The following TONSL variants were observed in gnomAD, a reference collection of about 807,000 sequenced individuals.
The protein encoded by TONSL is tonsoku-like protein.
TONSL carries 112 observed loss-of-function variants against 147.1 expected under a neutral mutation model. That is an observed-to-expected ratio of 0.76 (90% CI 0.65 to 0.89). TONSL has a LOEUF of 0.89. Among genes scored for constraint, TONSL ranks in the 40% least tolerant of loss-of-function variants. The probability of loss-of-function intolerance (pLI) is 0.00; values close to 1 mark genes in which losing one functional copy is unlikely to be tolerated. For missense variants in TONSL, 1,883 were observed against 1,864.6 expected, an observed-to-expected ratio of 1.01 and a Z score of -0.18; for synonymous variants, 868 against 801.5, an observed-to-expected ratio of 1.08 and a Z score of -1.40.
chr8:144,443,819 C>A (rs1407231515), intron 3 of TONSL, 63 bp downstream of exon 3: 5 of 1,531,474 alleles, frequency 3.3e-6, no homozygotes, highest in Non-Finnish European at 3.5e-6. Context: ...ACCAGGCCTC[C>A]CTCCTCAGAA....
At position 144,430,436 on chromosome 8, in the gene TONSL, C is replaced by T. The variant is rs374503291; in HGVS notation, c.3911G>A (p.Arg1304Gln). ...GCCAAGGAAGCTAAGGCCTTGGGGCCGCTTTTGGAGGGTGGACAGGAGCTC... is the reference window on the plus strand; with the variant it reads ...GCCAAGGAAGCTAAGGCCTTGGGGCTGCTTTTGGAGGGTGGACAGGAGCTC... ...LEELLSTLQKRPQGLSFLGLS... is the reference protein window; with the variant it reads ...LEELLSTLQKQPQGLSFLGLS... The change falls in exon 25 of 26, where the codon CGG becomes CAG. Residue 1304 changes from arginine to glutamine, a missense_variant. Transcript: ENST00000409379. The T allele has an allele frequency of 3.5e-5, 57 of 1,611,816 alleles. No individual in the cohort carries two copies. The Middle Eastern group carries it at 4.9e-4, about 14-fold the overall frequency.
rs527487564 is a variant in TONSL, at chr8:144,441,203, C to T, written c.866-92G>A. The T allele has an allele frequency of 2.3e-5, 35 of 1,506,812 alleles. No homozygotes were observed. The East Asian group carries it at 7.2e-4, about 31-fold the overall frequency. 93.3% of individuals were successfully genotyped at this position (1,506,812 alleles called of 1,614,324 possible). A position where few individuals can be genotyped will look rare whatever the true frequency, so the allele number is the denominator to read the frequency against. On this transcript the variant is annotated intron_variant, in intron 7 of 25. Transcript: ENST00000409379. ...AGCTGTGAGCCCTGTGGTGGCCCCC[C>T]CACTCTCTCCACACCTCTGCCTGCC...
At position 144,444,239 on chromosome 8, in the gene TONSL, C is replaced by T; in HGVS notation, c.62G>A (p.Gly21Glu). The change falls in exon 2 of 26, where the codon GGG becomes GAG. Residue 21 changes from glycine (G) to glutamate (E), a missense_variant. Coordinates refer to ENST00000409379, the MANE Select transcript of TONSL (RefSeq NM_013432.5). ...SKAKAKAQRAGQRREEAALCH... is the reference protein window; with the variant it reads ...SKAKAKAQRAEQRREEAALCH... ...CAGCGCGGCCTCTTCGCGCCGCTGC[C>T]CGGCCCTCTGCGCCTTGGCTTTCGC... 6.9e-7 allele frequency: 1 copy of T among 1,457,468 alleles called. No homozygotes were observed. The highest frequency in any genetic ancestry group is 2.4e-5 in the Admixed American group (1 of 41,032). The allele number at this position is 1,457,468 out of a possible 1,614,324, so 90.3% of individuals were successfully genotyped here. A position where few individuals can be genotyped will look rare whatever the true frequency, so the allele number is the denominator to read the frequency against.
At position 144,432,382 on chromosome 8, in the gene TONSL, A is replaced by G; in HGVS notation, c.3638T>C (p.Leu1213Pro). The G allele has an allele frequency of 6.2e-7, 1 of 1,611,900 alleles. No homozygotes were observed. The highest frequency in any genetic ancestry group is 8.5e-7 in the Non-Finnish European group (1 of 1,179,186). ...APALARTLQS[L>P]PAGTLLHLEL... is the part of the protein sequence containing the mutation. ...TAAGTGCAGGAGGGTGCCGGCGGGC[A>G]GGCTCTGCAGGGTCCTGGCCAGGGC... Residue 1213 changes from leucine (L) to proline (P), a missense_variant, in exon 23 of 26, where the codon CTG (leucine) becomes CCG (proline). By Grantham distance (98) the Leu-to-Pro change is moderately conservative. Transcript: ENST00000409379.
At position 144,432,276 on chromosome 8, in the gene TONSL, ACCTC is replaced by A; in HGVS notation, c.3735+5_3735+8del. 2 of 1,612,968 alleles carry A rather than the reference ACCTC, an allele frequency of 1.2e-6. No individual in the cohort carries two copies. The highest frequency in any genetic ancestry group is 3.3e-5 in the Admixed American group (2 of 59,834). The stretch of plus-strand genomic sequence containing the variant: ...CTCAGTATTTTCTGGGTTCTTCCCC[ACCTC>A]GTACCTTGGCCAGGTATCGGAATAC... On this transcript the variant is annotated splice_donor_5th_base_variant and intron_variant, in intron 23 of 25. Transcript: ENST00000409379.
rs1823481159 is a variant in TONSL, at chr8:144,436,797, A to T, written c.1850T>A (p.Leu617Gln). Residue 617 changes from leucine to glutamine, a missense_variant, in exon 15 of 26, where the codon CTG (leucine) becomes CAG (glutamine). Coordinates refer to ENST00000409379, the MANE Select transcript of TONSL (RefSeq NM_013432.5). ...GGTGACGGACGCCCCCCGTTCAAGC[A>T]GCAGCTCAGCCACCTCGAAGTGGCC... ...NCGHFEVAEL[L>Q]LERGASVTLR... The T allele has an allele frequency of 6.2e-7, 1 of 1,611,618 alleles. No homozygotes were observed. The highest frequency in any genetic ancestry group is 8.5e-7 in the Non-Finnish European group (1 of 1,179,884).
chr8:144,440,588 C>A, intron 9 of TONSL, 112 bp from the exon 10 acceptor site: 1 of 1,522,074 alleles, frequency 6.6e-7, no homozygotes, highest in Non-Finnish European at 8.8e-7. Context: ...TCCCAGCTGC[C>A]GAGGGTGGAT....
chr8:144,440,161 T>TCA lies in TONSL; in HGVS notation c.1339_1340insTG (p.Gln447LeufsTer16). 3 of 1,610,986 alleles carry TCA rather than the reference T, an allele frequency of 1.9e-6. No homozygotes were observed. Among genetic ancestry groups the TCA allele is most frequent in the Non-Finnish European group, 2.5e-6 (3 of 1,179,342 alleles). ...TCTGGTTTCGGTCTCAGGGGCCTCC[T>TCA]GGGGCTGCAGCCTCAGCTGCACGGT... On this transcript the variant is annotated frameshift_variant, in exon 11 of 26. Coordinates refer to ENST00000409379, the MANE Select transcript of TONSL (RefSeq NM_013432.5). LOFTEE classifies it high-confidence loss of function.
intron 4 of TONSL, 152 bp from the exon 5 acceptor site, chr8:144,442,958 G>T: frequency 8.0e-7 from 1 of 1,251,256 alleles, no homozygotes. Flanking sequence ...AGCACAGAGT[G>T]GATAAAGAGC....
rs1399767822 is a variant in TONSL at position 144,437,032 on chromosome 8, T to C, written c.1721A>G (p.His574Arg). 1 of 1,613,340 alleles carries C rather than the reference T, an allele frequency of 6.2e-7. No individual in the cohort carries two copies. The highest frequency in any genetic ancestry group is 8.5e-7 in the Non-Finnish European group (1 of 1,179,972). The change falls in exon 14 of 26, where the codon CAT becomes CGT. Residue 574 changes from histidine to arginine, a missense_variant. Coordinates refer to ENST00000409379, the MANE Select transcript of TONSL (RefSeq NM_013432.5). ...TPLHEACNYG[H>R]LEIVRFLLDH... Reference sequence around the variant, plus strand: ...TCCTTCTGTCCCTTGCTCACCTAGATGCCCGTAGTTGCAGGCCTCGTGCAG... The same window carrying C: ...TCCTTCTGTCCCTTGCTCACCTAGACGCCCGTAGTTGCAGGCCTCGTGCAG...
At position 144,442,334 on chromosome 8, in the gene TONSL, G is replaced by A. The variant is rs753309369; in HGVS notation, c.657C>T (p.Ser219=). The A allele has an allele frequency of 1.3e-6, 2 of 1,595,872 alleles. No individual in the cohort carries two copies. The highest frequency in any genetic ancestry group is 1.7e-6 in the Non-Finnish European group (2 of 1,167,668). The change falls in exon 6 of 26, where the codon TCC becomes TCT. Residue 219 remains serine (S), a synonymous_variant. Coordinates refer to ENST00000409379, the MANE Select transcript of TONSL (RefSeq NM_013432.5). ...GTIHWRAGQH[S]QAMRCLEGAR... The stretch of plus-strand genomic sequence containing the variant: ...CACCCTCCAAGCAGCGCATAGCCTG[G>A]GAGTGCTGGCCCGCGCGCCAGTGGA...
intron 2 of TONSL, 69 bp downstream of exon 2, chr8:144,444,111 C>A: frequency 7.7e-7 from 1 of 1,306,748 alleles, no homozygotes; most frequent in South Asian, 2.3e-5. Context: ...CCCGTCGCCC[C>A]CCGGCCCCCG....
rs1823426961 is a variant in TONSL at position 144,435,827 on chromosome 8, T to C, written c.2606A>G (p.Glu869Gly). Residue 869 changes from glutamate (E) to glycine (G), a missense_variant, in exon 17 of 26, where the codon GAG becomes GGG. Glu to Gly is a moderately conservative substitution (Grantham distance 98, BLOSUM62 -2). Coordinates refer to ENST00000409379, the MANE Select transcript of TONSL (RefSeq NM_013432.5). The part of the protein sequence containing the change: ...PSSTSGSDSE[E>G]SRPRARAKQV... ...CTTGGCTCGGGCACGGGGCCTGCTC[T>C]CCTCACTGTCCGACCCAGAGGTACT... is the stretch of plus-strand genomic sequence containing the variant. The C allele has an allele frequency of 6.2e-7, 1 of 1,612,476 alleles. No individual in the cohort carries two copies. Among genetic ancestry groups the C allele is most frequent in the Non-Finnish European group, 8.5e-7 (1 of 1,179,678 alleles).
chr8:144,443,848 C>T, intron 3 of TONSL, 34 bp downstream of exon 3: 1 of 1,540,670 alleles, frequency 6.5e-7, no homozygotes, highest in Non-Finnish European at 8.7e-7. Context: ...CAGAGGCCGA[C>T]CGGGCTGGAC....
chr8:144,438,394 A>G (rs989265504), intron 13 of TONSL, 77 bp downstream of exon 13: 32 of 1,488,608 alleles, frequency 2.1e-5, no homozygotes, highest in Non-Finnish European at 2.8e-5. Context: ...TGAGAGTTAC[A>G]GAGATAGGGG....
rs1164804712 is a variant in TONSL at position 144,440,725 on chromosome 8, A to C, written c.1157T>G (p.Val386Gly). 20 of 1,612,202 alleles carry C rather than the reference A, an allele frequency of 1.2e-5. No homozygotes were observed. Among genetic ancestry groups the C allele is most frequent in the Non-Finnish European group, 1.6e-5 (19 of 1,179,676 alleles). ...EEELRLRSGN[V>G]LEEAKTWLNI... is the part of the protein sequence containing the mutation. ...GGGGAGCAAGGGTTTCACCTCCAGC[A>C]CGTTGCCGCTGCGCAGCCTCAGTTC... is the stretch of plus-strand genomic sequence containing the variant. Residue 386 changes from valine to glycine, a missense_variant, in exon 9 of 26, where the codon GTG (valine) becomes GGG (glycine). By Grantham distance (109) the Val-to-Gly change is moderately radical (BLOSUM62 -3). Transcript: ENST00000409379.
intron 7 of TONSL, chr8:144,441,361 G>A (rs759916952): frequency 6.2e-6 from 3 of 485,928 alleles, no homozygotes; most frequent in Non-Finnish European, 1.1e-5. Flanking sequence ...GGGAGGCCGA[G>A]GCGGGCAGAT....
At chr8:144,429,388 T>C in intron 25 of TONSL, 52 bp from the exon 26 acceptor site, 1 of 1,349,066 alleles carries the variant, frequency 7.4e-7, no homozygotes, top group Non-Finnish European at 9.5e-7. Context: ...GGCGGCGTCC[T>C]GGTGCCCGCG....
chr8:144,440,646 C>A, intron 9 of TONSL, 72 bp downstream of exon 9: 1 of 1,558,020 alleles, frequency 6.4e-7, no homozygotes, highest in South Asian at 1.2e-5. Context: ...TGTCCATGGC[C>A]ACCCTGAGAA....
Sources: gnomAD v4.1 joint callset for allele counts on GRCh38, gnomAD v4.1.1 for gene constraint, MANE v1.5 for transcripts, NCBI Gene and HGNC (gene_info 2026-07-23, HGNC 2026-07-21) for gene names.